Variants in FAF1 observed in about 807,000 individuals in gnomAD.
The protein encoded by FAF1 is FAS-associated factor 1.
Under a neutral mutation model 92.5 loss-of-function variants are expected in FAF1, and 25 were observed. The ratio of observed to expected loss-of-function variants is 0.27; its 90% CI spans 0.20 to 0.38. FAF1 has a LOEUF of 0.38. Ranked by LOEUF, FAF1 falls within the 10% of genes least tolerant of loss-of-function variation. The pLI is 1.00. For missense variants in FAF1, 636 were observed against 793.3 expected (o/e 0.80, Z 2.38); for synonymous variants, 234 against 273.2 (o/e 0.86, Z 1.42).
At chr1:50,685,343 G>C (rs1656610085) in intron 7 of FAF1, among the ~76,000 whole-genome samples, 3 of 152,178 alleles carry the variant, frequency 2.0e-5, no homozygotes, top group Admixed American at 2.0e-4. Flanking sequence ...TCAGGGAAGT[G>C]ATCCTACTGT....
chr1:50,584,778 C>T lies in FAF1; in HGVS notation c.874G>A (p.Asp292Asn). 2.5e-6 allele frequency: 4 copies of T among 1,613,492 alleles called. No individual in the cohort carries two copies. Among genetic ancestry groups the T allele is most frequent in the Non-Finnish European group, 2.5e-6 (3 of 1,179,548 alleles). Residue 292 changes from aspartate (D) to asparagine (N), a missense_variant, in exon 10 of 19, where the codon GAT (aspartate) becomes AAT (asparagine). By Grantham distance (23) the Asp-to-Asn change is conservative. Around this residue, in one of 2 missense-constraint regions of FAF1, gnomAD observed 319 missense variants for 451.0 expected, o/e 0.71. Coordinates refer to ENST00000396153, the MANE Select transcript of FAF1 (RefSeq NM_007051.3). ...GTAGCATCTTCAAAGTCATCTCCAT[C>T]GCTATCACTAACCATATGAACATCG... ...ITDVHMVSDS[D>N]GDDFEDATEF...
At chr1:50,604,997 T>C (rs1652309885) in intron 8 of FAF1, among the ~76,000 whole-genome samples, 1 of 152,218 alleles carries the variant, frequency 6.6e-6, no homozygotes. Context: ...ACTCTCAAAA[T>C]CAAGGAGAAT....
chr1:50,817,228 C>CTGG, intron 2 of FAF1, among the ~76,000 whole-genome samples: 1 of 152,126 alleles, frequency 6.6e-6, no homozygotes, highest in Non-Finnish European at 1.5e-5. Flanking sequence ...ATAGATAAAA[C>CTGG]ATGGAAGCAA....
intron 8 of FAF1, among the ~76,000 whole-genome samples, chr1:50,613,746 G>A (rs1652780258): frequency 6.6e-6 from 1 of 151,896 alleles, no homozygotes; most frequent in Non-Finnish European, 1.5e-5. Context: ...TTTATTTACT[G>A]GTTCTTATAT....
chr1:50,778,244 T>C lies in FAF1; in HGVS notation c.367+9756A>G, dbSNP rs566010046. On this transcript the variant is annotated intron_variant, in intron 4 of 18. Coordinates refer to ENST00000396153, the MANE Select transcript of FAF1 (RefSeq NM_007051.3). ...TCCAAGGTGACAAAGGTCAAAACAG[T>C]GGTTTCAGAGGGGAGATTAAATTGC... 2.0e-5 allele frequency among the ~76,000 whole-genome samples: 3 copies of C among 152,234 alleles called. No homozygotes were observed. In the East Asian group the frequency reaches 5.8e-4, roughly 29 times the overall value.
chr1:50,760,279 G>A (rs1280421422), intron 4 of FAF1, among the ~76,000 whole-genome samples: 6 of 152,020 alleles, frequency 3.9e-5, no homozygotes, highest in Admixed American at 1.3e-4. Flanking sequence ...ACAGATCAAC[G>A]AGACAGAAAG....
At chr1:50,444,091 A>C (rs1342375296) in intron 18 of FAF1, among the ~76,000 whole-genome samples, 1 of 152,222 alleles carries the variant, frequency 6.6e-6, no homozygotes, top group East Asian at 1.9e-4. Context: ...TAAGAATTTC[A>C]AAGTGAGCAA....
At chr1:50,620,654 T>C (rs1164293526) in intron 8 of FAF1, among the ~76,000 whole-genome samples, 1 of 152,248 alleles carries the variant, frequency 6.6e-6, no homozygotes, top group African/African-American at 2.4e-5. Flanking sequence ...AGTTCTTGTG[T>C]TGATTCTTTA....
At chr1:50,910,869 C>T (rs765638281) in intron 1 of FAF1, among the ~76,000 whole-genome samples, 18 of 152,058 alleles carry the variant, frequency 1.2e-4, no homozygotes, top group Middle Eastern at 3.4e-3. Context: ...GCTCACACTC[C>T]GTGGGCTGCA....
chr1:50,501,435 C>T (rs1462006015), intron 15 of FAF1, among the ~76,000 whole-genome samples: 2 of 152,118 alleles, frequency 1.3e-5, no homozygotes. Flanking sequence ...AAGGCCAAGG[C>T]AGGCGGATCA....
chr1:50,529,776 A>T (rs1648042916), intron 15 of FAF1, among the ~76,000 whole-genome samples: 1 of 152,136 alleles, frequency 6.6e-6, no homozygotes, highest in Non-Finnish European at 1.5e-5. Context: ...CTGGGTTGTA[A>T]GCCTAAGGAC....
intron 8 of FAF1, among the ~76,000 whole-genome samples, chr1:50,616,275 A>G (rs1212078889): frequency 6.6e-6 from 1 of 152,074 alleles, no homozygotes; most frequent in Non-Finnish European, 1.5e-5. Context: ...TTTAGTTTGA[A>G]GTCCCATTTT....
chr1:50,440,243 T>C lies in FAF1; in HGVS notation c.*1197A>G, dbSNP rs1646155053. ...TGTGAAGGTATAAACGGTGTTCTCA[T>C]GATCTAAACCCCAAACCCCAAATCT... On this transcript the variant is annotated 3_prime_UTR_variant, in exon 19 of 19. Transcript: ENST00000396153. The C allele has an allele frequency of 6.6e-6, 1 of 152,208 alleles. No homozygotes were observed. Among genetic ancestry groups the C allele is most frequent in the Admixed American group, 6.5e-5 (1 of 15,282 alleles). 9.4% of individuals were successfully genotyped at this position (152,208 alleles called of 1,614,324 possible).
chr1:50,781,998 T>C (rs2124563450), intron 4 of FAF1, among the ~76,000 whole-genome samples: 1 of 152,276 alleles, frequency 6.6e-6, no homozygotes, highest in African/African-American at 2.4e-5. Flanking sequence ...GCACAATACA[T>C]TATTCATAAA....
intron 7 of FAF1, among the ~76,000 whole-genome samples, chr1:50,666,517 CTT>C (rs1353484612): frequency 1.3e-5 from 2 of 152,116 alleles, no homozygotes; most frequent in Non-Finnish European, 2.9e-5. Context: ...CTACCGGACA[CTT>C]TTATAATTGT....
chr1:50,569,310 AG>A (rs1176097462), intron 12 of FAF1, among the ~76,000 whole-genome samples: 1 of 152,162 alleles, frequency 6.6e-6, no homozygotes, highest in Admixed American at 6.6e-5. Flanking sequence ...AGAGAGAATG[AG>A]GTCTCTTTCA....
chr1:50,896,770 G>A (rs1219695544), intron 1 of FAF1, among the ~76,000 whole-genome samples: 9 of 152,280 alleles, frequency 5.9e-5, no homozygotes, highest in South Asian at 4.1e-4. Flanking sequence ...AATGGTGACC[G>A]TCAGACAATG....
At chr1:50,694,116 C>T (rs1008753007) in intron 7 of FAF1, among the ~76,000 whole-genome samples, 4 of 139,578 alleles carry the variant, frequency 2.9e-5, no homozygotes, top group Non-Finnish European at 4.4e-5. Context: ...AAAACAGCAG[C>T]CTTTAAAAAT....
In FAF1 at chr1:50,910,102, G is replaced by T. The variant is rs886652489; in HGVS notation, c.45+49665C>A. On this transcript the variant is annotated intron_variant, in intron 1 of 18. Coordinates refer to ENST00000396153, the MANE Select transcript of FAF1 (RefSeq NM_007051.3). Reference sequence around the variant, plus strand: ...CTGTTTGTTAGTTTTCCTTCTAACAGTCAGGACCCTCAGTTGCAAGTCTGT... The same window carrying T: ...CTGTTTGTTAGTTTTCCTTCTAACATTCAGGACCCTCAGTTGCAAGTCTGT... Among the ~76,000 whole-genome samples the T allele has an allele frequency of 2.6e-5, 4 of 152,336 alleles. No individual in the cohort carries two copies. The South Asian group carries it at 8.3e-4, about 32-fold the overall frequency.
Sources: allele counts gnomAD v4.1 joint callset (sites outside exome capture counted in the v4.1 genomes callset), GRCh38; gene constraint gnomAD v4.1.1; regional missense constraint gnomAD v4.1.1; transcripts MANE v1.5; gene names NCBI Gene and HGNC (gene_info 2026-07-23, HGNC 2026-07-21).